Variants in GNPTAB observed in about 807,000 individuals in gnomAD.
GNPTAB encodes N-acetylglucosamine-1-phosphotransferase subunits alpha/beta.
GNPTAB carries 92 observed loss-of-function variants against 136.6 expected under a neutral mutation model. The ratio of observed to expected loss-of-function variants is 0.67; its 90% CI spans 0.57 to 0.80. GNPTAB has a LOEUF of 0.80. Among genes scored for constraint, GNPTAB ranks in the 30% least tolerant of loss-of-function variants. The pLI, the probability that GNPTAB is intolerant of heterozygous loss-of-function variation, is 0.00. For missense variants in GNPTAB, 1,343 were observed against 1,501.8 expected (o/e 0.89, Z 1.75); for synonymous variants, 512 against 535.1 (o/e 0.96, Z 0.60).
chr12:101,796,263 C>A, intron 2 of GNPTAB: 1 of 702,438 alleles, frequency 1.4e-6, no homozygotes, highest in South Asian at 1.5e-5. Flanking sequence ...CCTCACAGAC[C>A]TGGGGAGACA....
chr12:101,804,418 T>C (rs1156306997), intron 1 of GNPTAB, among the ~76,000 whole-genome samples: 3 of 152,066 alleles, frequency 2.0e-5, no homozygotes, highest in Non-Finnish European at 4.4e-5. Context: ...AATATATCTA[T>C]GTTGTTTGTT....
intron 1 of GNPTAB, among the ~76,000 whole-genome samples, chr12:101,808,035 C>T (rs1050371681): frequency 2.6e-5 from 4 of 152,000 alleles, no homozygotes; most frequent in South Asian, 4.1e-4. Context: ...ATAAGAAATG[C>T]GTAGGCATAA....
Position 101,761,173 on chromosome 12 carries a change from A to G in GNPTAB, c.3089T>C (p.Ile1030Thr), listed in dbSNP as rs752836561. 1.9e-6 allele frequency: 3 copies of G among 1,614,180 alleles called. No individual in the cohort carries two copies. The highest frequency in any genetic ancestry group is 3.3e-5 in the Admixed American group (2 of 60,022). The change falls in exon 15 of 21, where the codon ATC becomes ACC. Residue 1030 changes from isoleucine to threonine, a missense_variant. By Grantham distance (89) the Ile-to-Thr change is moderately conservative (BLOSUM62 -1). Transcript: ENST00000299314. ...GTGAATTCTGGTAGCCAGTGTTCGG[A>G]TTTCTCTGTCAGACAAGACACCAGA... ...DQSGVLSDREIRTLATRIHEL... is the reference protein window; with the variant it reads ...DQSGVLSDRETRTLATRIHEL...
chr12:101,763,710 G>T (rs183604315), intron 13 of GNPTAB, among the ~76,000 whole-genome samples: 1 of 152,190 alleles, frequency 6.6e-6, no homozygotes, highest in African/African-American at 2.4e-5. Context: ...AGCACCGTGA[G>T]AGCACTGAGG....
chr12:101,820,115 C>A (rs979214367), intron 1 of GNPTAB, among the ~76,000 whole-genome samples: 3 of 152,220 alleles, frequency 2.0e-5, no homozygotes, highest in Non-Finnish European at 2.9e-5. Context: ...TAGGACCAGC[C>A]TCTACGCAAG....
rs7958709 is a variant in GNPTAB at position 101,770,477 on chromosome 12, T to G, written c.1042A>C (p.Ile348Leu). The change falls in exon 9 of 21, where the codon ATT becomes CTT. Residue 348 changes from isoleucine to leucine, a missense_variant. Transcript: ENST00000299314. ...RHAPWVRNIF[I>L]VTNGQIPSWL... is the part of the protein sequence containing the mutation. ...GATGGAATCTGCCCGTTGGTGACAA[T>G]GAAAATATTCCGAACCCATGGTGCA... is the stretch of plus-strand genomic sequence containing the variant. 3,435 of 1,613,892 alleles carry G rather than the reference T, an allele frequency of 2.1e-3. 50 individuals carry two copies. The African/African-American group carries it at 0.041, about 19-fold the overall frequency.
At chr12:101,756,102 T>C (rs2137105058) in intron 18 of GNPTAB, 1 of 152,894 alleles carries the variant, frequency 6.5e-6, no homozygotes, top group South Asian at 2.0e-4. Context: ...GAACAGCATA[T>C]GCAAAGAGGG....
intron 1 of GNPTAB, among the ~76,000 whole-genome samples, chr12:101,799,427 A>G (rs1255592625): frequency 2.0e-5 from 3 of 152,246 alleles, no homozygotes; most frequent in Admixed American, 2.0e-4. Flanking sequence ...ACATGTTTTT[A>G]ATACAGATGA....
chr12:101,820,235 C>T (rs925151860), intron 1 of GNPTAB, among the ~76,000 whole-genome samples: 1 of 152,226 alleles, frequency 6.6e-6, no homozygotes, highest in Non-Finnish European at 1.5e-5. Context: ...AACAAATATT[C>T]ACTTAAGAAC....
chr12:101,760,246 C>T (rs546880838), intron 15 of GNPTAB, 103 bp from the exon 16 acceptor site: 93 of 766,208 alleles, frequency 1.2e-4, no homozygotes, highest in Non-Finnish European at 2.0e-4. Context: ...GGTTTAAATG[C>T]TATCTTCAAA....
chr12:101,765,514 T>G, intron 12 of GNPTAB: 1 of 571,018 alleles, frequency 1.8e-6, no homozygotes, highest in Non-Finnish European at 3.1e-6. Context: ...AGGCACTGAG[T>G]TTTCACTTTC....
At chr12:101,800,285 G>A (rs11111028) in intron 1 of GNPTAB, among the ~76,000 whole-genome samples, 2 of 152,096 alleles carry the variant, frequency 1.3e-5, no homozygotes, top group South Asian at 2.1e-4. Flanking sequence ...AGGAGCTCAA[G>A]ACCAGCCTGA....
At chr12:101,787,150 G>A (rs1001527662) in intron 4 of GNPTAB, among the ~76,000 whole-genome samples, 25 of 152,036 alleles carry the variant, frequency 1.6e-4, no homozygotes, top group African/African-American at 5.8e-4. Flanking sequence ...GTAGGGAAGA[G>A]AAACAAAACA....
At chr12:101,816,931 T>C (rs887175027) in intron 1 of GNPTAB, among the ~76,000 whole-genome samples, 1 of 152,166 alleles carries the variant, frequency 6.6e-6, no homozygotes, top group African/African-American at 2.4e-5. Flanking sequence ...TGAAGTAAAA[T>C]AAGCCAGGCA....
At chr12:101,819,508 G>C (rs562318915) in intron 1 of GNPTAB, among the ~76,000 whole-genome samples, 1 of 152,030 alleles carries the variant, frequency 6.6e-6, no homozygotes, top group African/African-American at 2.4e-5. Context: ...TGAAGGGGGG[G>C]AAAAAGGTTT....
intron 1 of GNPTAB, among the ~76,000 whole-genome samples, chr12:101,822,331 T>G (rs1870852127): frequency 6.6e-6 from 1 of 152,058 alleles, no homozygotes; most frequent in Admixed American, 6.6e-5. Flanking sequence ...GAGAATGGCG[T>G]GAACCCCGGG....
intron 1 of GNPTAB, among the ~76,000 whole-genome samples, chr12:101,825,708 C>T (rs999617620): frequency 6.7e-5 from 10 of 148,234 alleles, no homozygotes; most frequent in African/African-American, 2.5e-4. Context: ...ACAAGTCATG[C>T]TTCTCATGTG....
At chr12:101,817,545 G>C (rs2137182106) in intron 1 of GNPTAB, among the ~76,000 whole-genome samples, 1 of 152,148 alleles carries the variant, frequency 6.6e-6, no homozygotes, top group Middle Eastern at 3.4e-3. Context: ...CTGGGATTCA[G>C]GTGTGAGCCA....
At chr12:101,802,572 G>GAA (rs916860741) in intron 1 of GNPTAB, among the ~76,000 whole-genome samples, 1 of 148,636 alleles carries the variant, frequency 6.7e-6, no homozygotes, top group Admixed American at 6.7e-5. Context: ...GGCATAGAAG[G>GAA]AAAAAAAAAC....
Sources: allele counts gnomAD v4.1 joint callset (sites outside exome capture counted in the v4.1 genomes callset), GRCh38; gene constraint gnomAD v4.1.1; transcripts MANE v1.5; gene names NCBI Gene and HGNC (gene_info 2026-07-23, HGNC 2026-07-21).